TLN1: variants seen among roughly 807,000 people sequenced by gnomAD.
TLN1 encodes the protein talin 1, also known as talin-1.
A neutral mutation model predicts 292.3 loss-of-function variants in TLN1; 56 were observed. That is an observed-to-expected ratio of 0.19 (90% CI 0.15 to 0.24). The LOEUF is 0.24. Ranked by LOEUF, TLN1 falls within the 10% of genes least tolerant of loss-of-function variation. The probability of loss-of-function intolerance (pLI) is 1.00; values close to 1 mark genes in which losing one functional copy is unlikely to be tolerated. For missense variants in TLN1, 2,433 were observed against 3,248.2 expected (o/e 0.75, Z 6.10); for synonymous variants, 1,119 against 1,253.7 (o/e 0.89, Z 2.27).
In TLN1 at chr9:35,721,719, T is replaced by C; in HGVS notation, c.1033A>G (p.Lys345Glu). 2 of 1,614,200 alleles carry C rather than the reference T, an allele frequency of 1.2e-6. No homozygotes were observed. Among genetic ancestry groups the C allele is most frequent in the Non-Finnish European group, 1.7e-6 (2 of 1,180,008 alleles). Residue 345 changes from lysine to glutamate, a missense_variant, in exon 10 of 57, where the codon AAG becomes GAG. Transcript: ENST00000314888. ...AGGTTCCACTCCTGGATCACTTCCT[T>C]GGTCTTCTCATCCACTCGCATCACA... ...ECVMRVDEKT[K>E]EVIQEWNLTN...
Position 35,704,791 on chromosome 9 carries a change from C to A in TLN1, c.5758G>T (p.Val1920Leu). The change falls in exon 44 of 57, where the codon GTA becomes TTA. Residue 1920 changes from valine to leucine, a missense_variant. Val to Leu is a conservative substitution (Grantham distance 32, BLOSUM62 1). Transcript: ENST00000314888. The surrounding 1 kb of genome is among the most constrained non-coding windows in gnomAD (Gnocchi z 6.9). ...EEIGSHIKHR[V>L]QELGHGCAAL... ...GCACAGCCATGGCCCAGCTCCTGTA[C>A]CCGGTGTTTGATATGGGAACCTATC... is the stretch of plus-strand genomic sequence containing the variant. The A allele has an allele frequency of 6.2e-7, 1 of 1,614,024 alleles. No homozygotes were observed. The highest frequency in any genetic ancestry group is 8.5e-7 in the Non-Finnish European group (1 of 1,179,948).
Position 35,707,821 on chromosome 9 carries a change from G to A in TLN1, c.4542C>T (p.Ala1514=). 6.2e-7 allele frequency: 1 copy of A among 1,614,188 alleles called. No individual in the cohort carries two copies. The highest frequency in any genetic ancestry group is 8.5e-7 in the Non-Finnish European group (1 of 1,180,038). Residue 1514 remains alanine, a synonymous_variant, in exon 35 of 57, where the codon GCC becomes GCT. Transcript: ENST00000314888. The surrounding 1 kb of genome is among the most constrained non-coding windows in gnomAD (Gnocchi z 5.6). ...ALCNSCRLAS[A]RTTNPTAKRQ... ...GCTTGGCAGTAGGATTGGTGGTACGGGCAGAAGCCAGGCGACAGCTGTTAC... is the reference window on the plus strand; with the variant it reads ...GCTTGGCAGTAGGATTGGTGGTACGAGCAGAAGCCAGGCGACAGCTGTTAC...
At chr9:35,709,866 G>A (rs1303195060) in intron 33 of TLN1, among the ~76,000 whole-genome samples, 6 of 109,934 alleles carry the variant, frequency 5.5e-5, no homozygotes, top group Non-Finnish European at 1.0e-4. Flanking sequence ...CAGCCTGGGC[G>A]ACAGAGCGAA....
chr9:35,714,849 C>T lies in TLN1; in HGVS notation c.2782G>A (p.Ala928Thr). Residue 928 changes from alanine to threonine, a missense_variant, in exon 22 of 57, where the codon GCC (alanine) becomes ACC (threonine). This residue lies in a region of TLN1 where 617 missense variants were observed against 770.6 expected (regional missense o/e 0.80). Coordinates refer to ENST00000314888, the MANE Select transcript of TLN1 (RefSeq NM_006289.4). This position sits in a 1 kb window ranked among gnomAD's most constrained non-coding sequence, Gnocchi z 4.6. ...TGAGCTGCAGCGATGGTCTGTGTGG[C>T]TGAGGCTGCAGCCTGCTTGGCTGCA... ...EHAAKQAAAS[A>T]TQTIAAAQHA... 6.4e-7 allele frequency: 1 copy of T among 1,571,364 alleles called. No individual in the cohort carries two copies. The highest frequency in any genetic ancestry group is 1.2e-5 in the South Asian group (1 of 83,228).
In TLN1 at chr9:35,722,858, C is replaced by T. The variant is rs1297902777; in HGVS notation, c.843+3G>A. The T allele has an allele frequency of 5.0e-6, 8 of 1,613,850 alleles. No individual in the cohort carries two copies. Among genetic ancestry groups the T allele is most frequent in the Non-Finnish European group, 6.8e-6 (8 of 1,179,816 alleles). ...CCAAATACTTTCCCCTACCCACATT[C>T]ACCTGGAAGATCTTACGCTCTCCCT... On this transcript the variant is annotated splice_donor_region_variant and intron_variant, in intron 8 of 56. Coordinates refer to ENST00000314888, the MANE Select transcript of TLN1 (RefSeq NM_006289.4).
In TLN1 at chr9:35,724,968, G is replaced by A. The variant is rs1215846765; in HGVS notation, c.229-9C>T. ...CTGTACTCCATAGTGTCCTGTTAGG[G>A]CAGGAAGAAGAGACAGGGGCCTACT... On this transcript the variant is annotated splice_polypyrimidine_tract_variant and intron_variant, in intron 3 of 56. Transcript: ENST00000314888. The surrounding 1 kb of genome is among the most constrained non-coding windows in gnomAD (Gnocchi z 4.7). 1 of 1,614,034 alleles carries A rather than the reference G, an allele frequency of 6.2e-7. No homozygotes were observed. Among genetic ancestry groups the A allele is most frequent in the Non-Finnish European group, 8.5e-7 (1 of 1,180,040 alleles).
chr9:35,711,216 TCA>T, intron 30 of TLN1, 37 bp downstream of exon 30: 2 of 1,613,514 alleles, frequency 1.2e-6, no homozygotes, highest in Non-Finnish European at 1.7e-6. Context: ...CCAGTCTCTC[TCA>T]CACAGTCCAG....
Position 35,724,831 on chromosome 9 carries a change from A to G in TLN1, c.357T>C (p.Ile119=), listed in dbSNP as rs779122483. The change falls in exon 4 of 57, where the codon ATT becomes ATC. Residue 119 remains isoleucine, a splice_region_variant and synonymous_variant. Coordinates refer to ENST00000314888, the MANE Select transcript of TLN1 (RefSeq NM_006289.4). This position sits in a 1 kb window ranked among gnomAD's most constrained non-coding sequence, Gnocchi z 4.7. ...TDMLMTICAR[I]GITNHDEYSL... Reference sequence around the variant, plus strand: ...TTCAACTGTACTAGGGCCCCTTACCAATGCGGGCACAGATGGTCATGAGCA... The same window carrying G: ...TTCAACTGTACTAGGGCCCCTTACCGATGCGGGCACAGATGGTCATGAGCA... 2 of 1,613,998 alleles carry G rather than the reference A, an allele frequency of 1.2e-6. No individual in the cohort carries two copies. Among genetic ancestry groups the G allele is most frequent in the Non-Finnish European group, 1.7e-6 (2 of 1,180,036 alleles).
In TLN1 at chr9:35,703,763, A is replaced by G. The variant is rs962355654; in HGVS notation, c.6357+12T>C. 7 of 1,613,790 alleles carry G rather than the reference A, an allele frequency of 4.3e-6. No individual in the cohort carries two copies. The highest frequency in any genetic ancestry group is 1.3e-5 in the African/African-American group (1 of 74,934). On this transcript the variant is annotated intron_variant, in intron 47 of 56. Coordinates refer to ENST00000314888, the MANE Select transcript of TLN1 (RefSeq NM_006289.4). ...CAGTGCCCCTCCTGATGTTGCTCTC[A>G]TTCTCTCCAACCTTGGCAGAGTTCT...
Position 35,706,409 on chromosome 9 carries a change from C to T in TLN1, c.5190+41G>A, listed in dbSNP as rs962512026. 2 of 1,613,512 alleles carry T rather than the reference C, an allele frequency of 1.2e-6. No homozygotes were observed. The highest frequency in any genetic ancestry group is 3.3e-5 in the Admixed American group (2 of 59,994). ...ACTAGGGGTCAGGTCCCCTCTCTCTCACCCTACTCCCTGGGACTTCCCATG... is the reference window on the plus strand; with the variant it reads ...ACTAGGGGTCAGGTCCCCTCTCTCTTACCCTACTCCCTGGGACTTCCCATG... On this transcript the variant is annotated intron_variant, in intron 39 of 56. Coordinates refer to ENST00000314888, the MANE Select transcript of TLN1 (RefSeq NM_006289.4). The surrounding 1 kb of genome is among the most constrained non-coding windows in gnomAD (Gnocchi z 4.2).
chr9:35,707,267 A>G lies in TLN1; in HGVS notation c.4774-14T>C. 6 of 1,602,936 alleles carry G rather than the reference A, an allele frequency of 3.7e-6. No individual in the cohort carries two copies. The South Asian group carries it at 6.6e-5, about 18-fold the overall frequency. On this transcript the variant is annotated splice_polypyrimidine_tract_variant and intron_variant, in intron 36 of 56. Transcript: ENST00000314888. This position sits in a 1 kb window ranked among gnomAD's most constrained non-coding sequence, Gnocchi z 5.6. ...GGCAGCCCGACCCTGGGGAGAGGGG[A>G]GGCAGGAAGGTAAGTCTCAGGAGTC...
intron 1 of TLN1, among the ~76,000 whole-genome samples, chr9:35,726,577 C>T (rs1825982001): frequency 6.6e-6 from 1 of 152,188 alleles, no homozygotes; most frequent in African/African-American, 2.4e-5. Flanking sequence ...CTCTTGAAGC[C>T]TGCAAACAAA....
intron 33 of TLN1, 82 bp from the exon 34 acceptor site, chr9:35,708,566 C>CAG: frequency 7.3e-7 from 1 of 1,364,048 alleles, no homozygotes; most frequent in Non-Finnish European, 9.7e-7. Flanking sequence ...CAAAAGAGAG[C>CAG]AGAGGTAAGT....
At chr9:35,716,582 G>A (rs373417391) in intron 19 of TLN1, 26 bp from the exon 20 acceptor site, 75 of 1,608,110 alleles carry the variant, frequency 4.7e-5, no homozygotes, top group East Asian at 6.7e-5. Flanking sequence ...ACAGTCAGGC[G>A]AGGAAGCCAG....
chr9:35,699,518 C>A lies in TLN1; in HGVS notation c.6769-57G>T. On this transcript the variant is annotated intron_variant, in intron 50 of 56. Transcript: ENST00000314888. This position sits in a 1 kb window ranked among gnomAD's most constrained non-coding sequence, Gnocchi z 4.0. ...ATCACATCTTAGGGTCTACCCTGAT[C>A]TATGAAATAGGGCAGACCATGGCCC... 1.3e-6 allele frequency: 2 copies of A among 1,561,274 alleles called. No individual in the cohort carries two copies. The highest frequency in any genetic ancestry group is 1.7e-6 in the Non-Finnish European group (2 of 1,151,144).
At position 35,707,608 on chromosome 9, in the gene TLN1, G is replaced by A. The variant is rs1825589427; in HGVS notation, c.4633-120C>T. ...TGGGGAGAGGCTAGGTGGTCAGTCT[G>A]AATAGAAAGAGCTTGGGCTCAGGCA... On this transcript the variant is annotated intron_variant, in intron 35 of 56. Transcript: ENST00000314888. The surrounding 1 kb of genome is among the most constrained non-coding windows in gnomAD (Gnocchi z 5.6). The A allele has an allele frequency of 2.5e-6, 4 of 1,576,396 alleles. No individual in the cohort carries two copies. The highest frequency in any genetic ancestry group is 2.6e-6 in the Non-Finnish European group (3 of 1,157,034).
Position 35,697,717 on chromosome 9 carries a change from C to T in TLN1, c.*74G>A, listed in dbSNP as rs1004854357. On this transcript the variant is annotated 3_prime_UTR_variant, in exon 57 of 57. Coordinates refer to ENST00000314888, the MANE Select transcript of TLN1 (RefSeq NM_006289.4). Reference sequence around the variant, plus strand: ...TGCTGGGGTTGGGCAGGTTGGGCCCCGACAGCCCAGAAGGCTTTGGTAGTG... The same window carrying T: ...TGCTGGGGTTGGGCAGGTTGGGCCCTGACAGCCCAGAAGGCTTTGGTAGTG... The T allele has an allele frequency of 3.2e-5, 50 of 1,576,246 alleles. No homozygotes were observed. The African/African-American group carries it at 4.5e-4, about 14-fold the overall frequency.
At chr9:35,722,757 C>T in intron 8 of TLN1, 104 bp downstream of exon 8, 1 of 1,224,878 alleles carries the variant, frequency 8.2e-7, no homozygotes. Flanking sequence ...TGGGTGAAAG[C>T]CAAGTTAGGG....
rs1033352848 is a variant in TLN1 at position 35,717,935 on chromosome 9, C to G, written c.1996-149G>C. ...ACCAGAACCTACCCCGAGCTACTGC[C>G]CTGAGCACCCAGCAGGACAGAACCC... On this transcript the variant is annotated intron_variant, in intron 17 of 56. Coordinates refer to ENST00000314888, the MANE Select transcript of TLN1 (RefSeq NM_006289.4). The surrounding 1 kb of genome is among the most constrained non-coding windows in gnomAD (Gnocchi z 4.7). The G allele has an allele frequency of 2.3e-6, 2 of 885,692 alleles. No homozygotes were observed. Among genetic ancestry groups the G allele is most frequent in the African/African-American group, 3.4e-5 (2 of 58,962 alleles). 54.9% of individuals were successfully genotyped at this position (885,692 alleles called of 1,614,324 possible).
Sources: gnomAD v4.1 joint callset for allele counts (sites outside exome capture counted in the v4.1 genomes callset) on GRCh38, gnomAD v4.1.1 for gene constraint, gnomAD v4.1.1 regional missense constraint, Gnocchi (gnomAD v3.1) non-coding constraint, MANE v1.5 for transcripts, NCBI Gene and HGNC (gene_info 2026-07-23, HGNC 2026-07-21) for gene names.